The following TMEM177 variants were observed in gnomAD, a reference collection of about 807,000 sequenced individuals.
TMEM177 encodes the protein transmembrane protein 177.
Under a neutral mutation model 14.2 loss-of-function variants are expected in TMEM177, and 4 were observed. That is an observed-to-expected ratio of 0.28 (90% CI 0.14 to 0.64). TMEM177 has a LOEUF of 0.64. Among genes scored for constraint, TMEM177 ranks in the 30% least tolerant of loss-of-function variants. The probability of loss-of-function intolerance (pLI) is 0.82; values close to 1 mark genes in which losing one functional copy is unlikely to be tolerated. For synonymous variants in TMEM177, 179 were observed against 174.5 expected (o/e 1.03, Z -0.20); for missense variants, 344 against 405.2 (o/e 0.85, Z 1.30).
At chr2:119,691,658 A>G in the TMEM177 span, among the ~76,000 whole-genome samples, 1 of 152,108 alleles carries the variant, frequency 6.6e-6, no homozygotes, top group Non-Finnish European at 1.5e-5. Flanking sequence ...TGTTTGCTGG[A>G]CACATGACCT....
the TMEM177 span, among the ~76,000 whole-genome samples, chr2:119,704,053 G>A: frequency 6.6e-6 from 1 of 152,166 alleles, no homozygotes; most frequent in African/African-American, 2.4e-5. Flanking sequence ...TTAAAAAAAG[G>A]CAGATACTTT....
At chr2:119,683,540 GCT>G (rs1688953745), downstream of TMEM177, among the ~76,000 whole-genome samples, 1 of 152,100 alleles carries the variant, frequency 6.6e-6, no homozygotes, top group African/African-American at 2.4e-5. Context: ...CAACCCATCT[GCT>G]CTCAGTACTG....
downstream of TMEM177, among the ~76,000 whole-genome samples, chr2:119,690,366 C>T (rs1689076006): frequency 6.6e-6 from 1 of 152,200 alleles, no homozygotes; most frequent in Admixed American, 6.5e-5. Flanking sequence ...CCTGTACAGC[C>T]TGTGGAACCA....
chr2:119,703,079 A>AG, the TMEM177 span, among the ~76,000 whole-genome samples: 1 of 152,234 alleles, frequency 6.6e-6, no homozygotes, highest in Non-Finnish European at 1.5e-5. Flanking sequence ...CCCCGGGAGA[A>AG]GGGCCGGTGG....
At chr2:119,690,125 G>A (rs1380394399), downstream of TMEM177, among the ~76,000 whole-genome samples, 1 of 152,206 alleles carries the variant, frequency 6.6e-6, no homozygotes, top group Non-Finnish European at 1.5e-5. Flanking sequence ...AGTGTTGGAG[G>A]TGGGGCCTGG....
rs773377956 is a variant in TMEM177, at chr2:119,681,557, C to T, written c.704C>T (p.Thr235Met). The T allele has an allele frequency of 1.4e-5, 22 of 1,614,186 alleles. No individual in the cohort carries two copies. Among genetic ancestry groups the T allele is most frequent in the Middle Eastern group, 1.7e-4 (1 of 6,060 alleles). Residue 235 changes from threonine (T) to methionine (M), a missense_variant, in exon 2 of 2, where the codon ACG becomes ATG. Transcript: ENST00000272521. ...GTGGAGTCCTGGCTGGACCGCCGCA[C>T]GGCCTCCCTCTCTGCAGCCTATGCC... ...HAVESWLDRR[T>M]ASLSAAYACG...
the TMEM177 span, among the ~76,000 whole-genome samples, chr2:119,710,474 T>G: frequency 1.3e-5 from 2 of 152,160 alleles, no homozygotes; most frequent in Non-Finnish European, 2.9e-5. Context: ...GGCAGCAGGT[T>G]TCCTGGCCTG....
chr2:119,720,485 G>T, the TMEM177 span, among the ~76,000 whole-genome samples: 4 of 151,980 alleles, frequency 2.6e-5, no homozygotes, highest in South Asian at 4.1e-4. Flanking sequence ...GGTCAGGCTG[G>T]TCTTGAACTC....
chr2:119,717,671 C>A, the TMEM177 span, among the ~76,000 whole-genome samples: 3 of 138,884 alleles, frequency 2.2e-5, no homozygotes, highest in Non-Finnish European at 4.6e-5. Flanking sequence ...TGCAGTGGCG[C>A]AATCTTGGCT....
the TMEM177 span, among the ~76,000 whole-genome samples, chr2:119,709,433 T>C: frequency 1.3e-5 from 2 of 152,160 alleles, no homozygotes; most frequent in Admixed American, 6.5e-5. Context: ...CCCAACACTT[T>C]GGGAGGCCAA....
the TMEM177 span, among the ~76,000 whole-genome samples, chr2:119,702,694 G>A: frequency 2.6e-5 from 4 of 152,250 alleles, no homozygotes; most frequent in African/African-American, 9.6e-5. Context: ...CATGGGATCA[G>A]GGGAAAAGGG....
At chr2:119,718,178 T>C in the TMEM177 span, among the ~76,000 whole-genome samples, 1 of 152,248 alleles carries the variant, frequency 6.6e-6, no homozygotes, top group Admixed American at 6.5e-5. Flanking sequence ...TTCTAGAGTT[T>C]AGAATCTCAG....
the TMEM177 span, among the ~76,000 whole-genome samples, chr2:119,693,809 TCA>T: frequency 1.3e-5 from 2 of 150,008 alleles, no homozygotes; most frequent in Non-Finnish European, 3.0e-5. Context: ...CACATACACA[TCA>T]CACATATCAC....
the TMEM177 span, among the ~76,000 whole-genome samples, chr2:119,692,349 G>A: frequency 6.6e-6 from 1 of 152,252 alleles, no homozygotes; most frequent in Non-Finnish European, 1.5e-5. Flanking sequence ...GCCCAGCAAA[G>A]GGCAGGAGGA....
the TMEM177 span, among the ~76,000 whole-genome samples, chr2:119,712,358 A>G: frequency 3.3e-5 from 5 of 151,930 alleles, no homozygotes; most frequent in Non-Finnish European, 7.4e-5. Flanking sequence ...TCTAATTCCT[A>G]TGTTGAAGCC....
At chr2:119,719,299 C>G in the TMEM177 span, among the ~76,000 whole-genome samples, 1 of 152,156 alleles carries the variant, frequency 6.6e-6, no homozygotes, top group Non-Finnish European at 1.5e-5. Context: ...AGCCAAAAGG[C>G]TGAGAAGTGA....
downstream of TMEM177, chr2:119,685,972 T>C (rs1396511759): frequency 1.3e-5 from 6 of 473,054 alleles, no homozygotes; most frequent in African/African-American, 1.2e-4. Flanking sequence ...CAGCCTACCA[T>C]GTTTAGTGCA....
the TMEM177 span, among the ~76,000 whole-genome samples, chr2:119,694,637 C>T: frequency 9.9e-5 from 15 of 152,186 alleles, no homozygotes; most frequent in Admixed American, 7.9e-4. Context: ...CTGCTCTGGC[C>T]GGTGGATTTC....
chr2:119,681,223 A>G lies in TMEM177; in HGVS notation c.370A>G (p.Ile124Val), dbSNP rs1688890837. The G allele has an allele frequency of 6.2e-7, 1 of 1,614,264 alleles. No homozygotes were observed. Among genetic ancestry groups the G allele is most frequent in the South Asian group, 1.1e-5 (1 of 91,088 alleles). ...GATCAACACTAACCATCCCGTGGTC[A>G]TACATGGGCATACAGTGGACTGGCG... is the stretch of plus-strand genomic sequence containing the variant. ...LVINTNHPVV[I>V]HGHTVDWRSP... The change falls in exon 2 of 2, where the codon ATA becomes GTA. Residue 124 changes from isoleucine (I) to valine (V), a missense_variant. Transcript: ENST00000272521.
Sources: allele counts gnomAD v4.1 joint callset (sites outside exome capture counted in the v4.1 genomes callset), GRCh38; gene constraint gnomAD v4.1.1; transcripts MANE v1.5; gene names NCBI Gene and HGNC (gene_info 2026-07-23, HGNC 2026-07-21).